The following TMEM135 variants were observed in gnomAD, a reference collection of about 807,000 sequenced individuals.
The protein encoded by TMEM135 is peroxisomal membrane protein 52.
TMEM135 carries 30 observed loss-of-function variants against 60.3 expected under a neutral mutation model. That is an observed-to-expected ratio of 0.50 (90% CI 0.37 to 0.68). The LOEUF (loss-of-function observed/expected upper bound fraction) is 0.68, where lower values mean the gene tolerates loss of function less well. TMEM135 is among the 30% of genes least tolerant of loss of function. The probability of loss-of-function intolerance (pLI) is 0.00; values close to 1 mark genes in which losing one functional copy is unlikely to be tolerated. For missense variants in TMEM135, 468 were observed against 548.8 expected, an observed-to-expected ratio of 0.85 and a Z score of 1.47; for synonymous variants, 190 against 186.7, an observed-to-expected ratio of 1.02 and a Z score of -0.14.
intron 5 of TMEM135, among the ~76,000 whole-genome samples, chr11:87,167,513 A>C (rs190429980): frequency 6.6e-6 from 1 of 152,184 alleles, no homozygotes; most frequent in African/African-American, 2.4e-5. Flanking sequence ...TGCTTTTAGC[A>C]TGAAGCGGTG....
chr11:87,265,127 T>C (rs1284023443), intron 6 of TMEM135, among the ~76,000 whole-genome samples: 1 of 151,952 alleles, frequency 6.6e-6, no homozygotes, highest in Non-Finnish European at 1.5e-5. Flanking sequence ...AGATCAGCTC[T>C]TTTGGAAGGA....
chr11:87,238,889 G>T (rs1348450681), intron 6 of TMEM135, among the ~76,000 whole-genome samples: 1 of 151,990 alleles, frequency 6.6e-6, no homozygotes, highest in Non-Finnish European at 1.5e-5. Flanking sequence ...ATTCCTAACA[G>T]AACAGGTATT....
chr11:87,186,844 A>G (rs766069106), intron 5 of TMEM135, among the ~76,000 whole-genome samples: 2 of 152,132 alleles, frequency 1.3e-5, no homozygotes, highest in Non-Finnish European at 2.9e-5. Context: ...TTTGATTTAA[A>G]ATTGGTGGAG....
chr11:87,232,739 A>G (rs1565495186), intron 5 of TMEM135, among the ~76,000 whole-genome samples: 1 of 152,152 alleles, frequency 6.6e-6, no homozygotes, highest in African/African-American at 2.4e-5. Context: ...GAAGATTTGT[A>G]TTCTATGTGT....
chr11:87,238,766 A>G lies in TMEM135; in HGVS notation c.509+2082A>G, dbSNP rs568061998. Among the ~76,000 whole-genome samples the G allele has an allele frequency of 2.0e-5, 3 of 152,198 alleles. No homozygotes were observed. The South Asian group carries it at 6.2e-4, about 32-fold the overall frequency. On this transcript the variant is annotated intron_variant, in intron 6 of 14. Transcript: ENST00000305494. ...TATGTTCTATCTAGCCTGAAGATATAGCATACCCAGTAGGGAAAATGCAAT... is the reference window on the plus strand; with the variant it reads ...TATGTTCTATCTAGCCTGAAGATATGGCATACCCAGTAGGGAAAATGCAAT...
At chr11:87,091,481 A>C in intron 4 of TMEM135, 86 bp downstream of exon 4, 2 of 1,309,116 alleles carry the variant, frequency 1.5e-6, no homozygotes, top group Non-Finnish European at 2.2e-6. Context: ...TAAAAGAGGA[A>C]AGCCACTTGT....
At chr11:87,198,327 G>T (rs995130658) in intron 5 of TMEM135, among the ~76,000 whole-genome samples, 6 of 152,094 alleles carry the variant, frequency 3.9e-5, no homozygotes, top group Non-Finnish European at 8.8e-5. Flanking sequence ...TTTGGATGGA[G>T]GGTTTTGGTA....
chr11:87,273,785 A>C (rs529193552), intron 6 of TMEM135, among the ~76,000 whole-genome samples: 1 of 152,198 alleles, frequency 6.6e-6, no homozygotes, highest in African/African-American at 2.4e-5. Context: ...AAATCTTTTA[A>C]GGGAAGGTCT....
intron 6 of TMEM135, among the ~76,000 whole-genome samples, chr11:87,251,006 G>A (rs1486427485): frequency 2.0e-5 from 3 of 152,100 alleles, no homozygotes; most frequent in Non-Finnish European, 4.4e-5. Context: ...GAGGATTGCT[G>A]CTTGGATGAG....
chr11:87,270,795 A>G (rs940699124), intron 6 of TMEM135, among the ~76,000 whole-genome samples: 3 of 152,198 alleles, frequency 2.0e-5, no homozygotes, highest in Admixed American at 6.5e-5. Flanking sequence ...GCAATTTTAT[A>G]TGTAATTTTG....
At chr11:87,307,606 C>G (rs1311420643) in intron 9 of TMEM135, among the ~76,000 whole-genome samples, 2 of 152,086 alleles carry the variant, frequency 1.3e-5, no homozygotes, top group Non-Finnish European at 2.9e-5. Context: ...CAATAAAAAA[C>G]TAGTGATTCT....
chr11:87,054,132 C>T (rs1342110336), intron 1 of TMEM135, among the ~76,000 whole-genome samples: 3 of 152,188 alleles, frequency 2.0e-5, no homozygotes, highest in Admixed American at 2.0e-4. Flanking sequence ...TGGCTCATAG[C>T]AGTATTGAAA....
rs759779574 is a variant in TMEM135 at position 87,327,978 on chromosome 11, C to T, written c.*6645C>T. ...GGGCAGATCTTCTCTGCCTAGTCCA[C>T]GCTAACTCACATGCCAATCTCCTCT... On this transcript the variant is annotated 3_prime_UTR_variant, in exon 15 of 15. Coordinates refer to ENST00000305494, the MANE Select transcript of TMEM135 (RefSeq NM_022918.4). 4.4e-5 allele frequency: 20 copies of T among 453,894 alleles called. No homozygotes were observed. The highest frequency in any genetic ancestry group is 6.8e-4 in the Middle Eastern group (1 of 1,466). The allele number at this position is 453,894 out of a possible 1,614,324, so 28.1% of individuals were successfully genotyped here. A position where few individuals can be genotyped will look rare whatever the true frequency, so the allele number is the denominator to read the frequency against.
chr11:87,231,145 G>T (rs1051431753), intron 5 of TMEM135, among the ~76,000 whole-genome samples: 11 of 152,088 alleles, frequency 7.2e-5, no homozygotes, highest in African/African-American at 2.4e-4. Flanking sequence ...AAACCTAGAG[G>T]ACTTTCTGAG....
At position 87,191,988 on chromosome 11, in the gene TMEM135, T is replaced by A. The variant is rs1195763956; in HGVS notation, c.462+34582T>A. Reference sequence around the variant, plus strand: ...CTTTTGTTTCTTTTCTTTTCTTTTCTTTTTTTTTTTTTTTTTTCGAGATGG... The same window carrying A: ...CTTTTGTTTCTTTTCTTTTCTTTTCATTTTTTTTTTTTTTTTTCGAGATGG... On this transcript the variant is annotated intron_variant, in intron 5 of 14. Coordinates refer to ENST00000305494, the MANE Select transcript of TMEM135 (RefSeq NM_022918.4). 5.3e-5 allele frequency among the ~76,000 whole-genome samples: 4 copies of A among 75,708 alleles called. No individual in the cohort carries two copies. In the East Asian group the frequency reaches 4.9e-3, roughly 93 times the overall value. The allele number at this position is 75,708 out of a possible 152,430, so 49.7% of individuals were successfully genotyped here.
At chr11:87,101,142 A>G (rs1170787355) in intron 4 of TMEM135, among the ~76,000 whole-genome samples, 2 of 152,230 alleles carry the variant, frequency 1.3e-5, no homozygotes, top group Non-Finnish European at 2.9e-5. Flanking sequence ...AATGAAATGT[A>G]TATAGAAAGA....
intron 5 of TMEM135, among the ~76,000 whole-genome samples, chr11:87,195,552 G>A (rs1454242148): frequency 1.3e-5 from 2 of 151,912 alleles, no homozygotes; most frequent in Non-Finnish European, 1.5e-5. Flanking sequence ...TCAGCCAGTC[G>A]AGTAGCTGGG....
chr11:87,284,879 A>G (rs547541550), intron 6 of TMEM135, among the ~76,000 whole-genome samples: 3 of 152,326 alleles, frequency 2.0e-5, no homozygotes, highest in Admixed American at 2.0e-4. Context: ...TAAGTGCCAT[A>G]TGAAGGCTGA....
intron 4 of TMEM135, among the ~76,000 whole-genome samples, chr11:87,091,945 A>C (rs1857216815): frequency 1.3e-5 from 2 of 152,274 alleles, no homozygotes; most frequent in South Asian, 4.1e-4. Flanking sequence ...AAGTTTATGT[A>C]AATTTTATTG....
Sources: allele counts gnomAD v4.1 joint callset (sites outside exome capture counted in the v4.1 genomes callset), GRCh38; gene constraint gnomAD v4.1.1; transcripts MANE v1.5; gene names NCBI Gene and HGNC (gene_info 2026-07-23, HGNC 2026-07-21).